The following GALNTL6 variants were observed in gnomAD, a reference collection of about 807,000 sequenced individuals.
GALNTL6 encodes the protein polypeptide N-acetylgalactosaminyltransferase like 6, also known as polypeptide N-acetylgalactosaminyltransferase-like 6.
GALNTL6 carries 46 observed loss-of-function variants against 73.7 expected under a neutral mutation model. The observed-to-expected ratio is 0.62, with a 90% CI of 0.49 to 0.80. The LOEUF is 0.80. Among genes scored for constraint, GALNTL6 ranks in the 30% least tolerant of loss-of-function variants. GALNTL6 has a pLI of 0.00. For synonymous variants in GALNTL6, 259 were observed against 263.7 expected (o/e 0.98, Z 0.17); for missense variants, 604 against 755.0 (o/e 0.80, Z 2.34).
chr4:172,648,254 T>C (rs1020434091), intron 5 of GALNTL6, among the ~76,000 whole-genome samples: 1 of 152,150 alleles, frequency 6.6e-6, no homozygotes, highest in Admixed American at 6.6e-5. Context: ...ACTTAACTCA[T>C]TGGCCAGGCT....
intron 2 of GALNTL6, among the ~76,000 whole-genome samples, chr4:172,228,160 A>C (rs1193050742): frequency 6.6e-6 from 1 of 152,122 alleles, no homozygotes; most frequent in East Asian, 1.9e-4. Flanking sequence ...ATTTTTTTAA[A>C]TGTTTGCTAT....
At chr4:172,298,770 A>G (rs906753645) in intron 3 of GALNTL6, among the ~76,000 whole-genome samples, 1 of 152,146 alleles carries the variant, frequency 6.6e-6, no homozygotes, top group Non-Finnish European at 1.5e-5. Flanking sequence ...TCGGTTTGCC[A>G]CTATTTTATT....
chr4:172,233,811 C>CA lies in GALNTL6; in HGVS notation c.247+4054dup, dbSNP rs367605381. Among the ~76,000 whole-genome samples, 39 of 151,732 alleles carry CA rather than the reference C, an allele frequency of 2.6e-4. No homozygotes were observed. In the East Asian group the frequency reaches 5.6e-3, roughly 22 times the overall value. ...TCACATTAACATACACAGATATGCA[C>CA]AAAAAAATGGGAATTTTTGAATTGT... On this transcript the variant is annotated intron_variant, in intron 3 of 12. Coordinates refer to ENST00000506823, the MANE Select transcript of GALNTL6 (RefSeq NM_001034845.3).
chr4:172,257,374 A>T (rs967067860), intron 3 of GALNTL6, among the ~76,000 whole-genome samples: 2 of 151,426 alleles, frequency 1.3e-5, no homozygotes, highest in African/African-American at 2.4e-5. Context: ...TATTTTAGTG[A>T]ATATCTCCAA....
intron 5 of GALNTL6, among the ~76,000 whole-genome samples, chr4:172,798,022 C>G (rs1740378502): frequency 6.6e-6 from 1 of 152,088 alleles, no homozygotes; most frequent in Non-Finnish European, 1.5e-5. Context: ...TTCTATGCAG[C>G]TTGGTGATTT....
At chr4:172,826,527 G>C (rs1265316228) in intron 7 of GALNTL6, among the ~76,000 whole-genome samples, 1 of 152,192 alleles carries the variant, frequency 6.6e-6, no homozygotes, top group Non-Finnish European at 1.5e-5. Flanking sequence ...CATGGAAAAA[G>C]AATCAAATAA....
intron 4 of GALNTL6, among the ~76,000 whole-genome samples, chr4:172,337,313 A>T (rs1741371884): frequency 6.6e-6 from 1 of 152,080 alleles, no homozygotes; most frequent in Non-Finnish European, 1.5e-5. Flanking sequence ...GTGAGGTTTT[A>T]ATTCTATTGT....
At chr4:172,761,522 T>C (rs1738090335) in intron 5 of GALNTL6, among the ~76,000 whole-genome samples, 2 of 152,188 alleles carry the variant, frequency 1.3e-5, no homozygotes, top group Admixed American at 6.5e-5. Flanking sequence ...TCATGTGGAT[T>C]TGTGATCCCC....
intron 3 of GALNTL6, among the ~76,000 whole-genome samples, chr4:172,231,651 T>C (rs1299463601): frequency 6.6e-6 from 1 of 152,202 alleles, no homozygotes; most frequent in Non-Finnish European, 1.5e-5. Flanking sequence ...TCTGATATTC[T>C]ACTTTGTAGA....
At chr4:172,401,458 T>C in intron 5 of GALNTL6, among the ~76,000 whole-genome samples, 1 of 152,276 alleles carries the variant, frequency 6.6e-6, no homozygotes, top group South Asian at 2.1e-4. Flanking sequence ...CATTTCTATA[T>C]AGGTTAAATC....
intron 5 of GALNTL6, among the ~76,000 whole-genome samples, chr4:172,514,401 T>C (rs1734529846): frequency 6.6e-6 from 1 of 152,148 alleles, no homozygotes; most frequent in Non-Finnish European, 1.5e-5. Flanking sequence ...CCAGCTCCCA[T>C]ACAGCCAGAA....
intron 3 of GALNTL6, among the ~76,000 whole-genome samples, chr4:172,274,845 G>T (rs1738774805): frequency 6.6e-6 from 1 of 152,120 alleles, no homozygotes; most frequent in African/African-American, 2.4e-5. Context: ...TCAGATCAAA[G>T]GTTTCAAAAT....
intron 5 of GALNTL6, among the ~76,000 whole-genome samples, chr4:172,549,285 G>A (rs763005974): frequency 6.6e-6 from 1 of 152,220 alleles, no homozygotes; most frequent in Non-Finnish European, 1.5e-5. Context: ...GCATATAGGA[G>A]AGCACATAAA....
intron 2 of GALNTL6, among the ~76,000 whole-genome samples, chr4:171,863,982 G>A (rs556140910): frequency 2.1e-4 from 32 of 151,880 alleles, no homozygotes; most frequent in African/African-American, 7.2e-4. Flanking sequence ...GGCTGGTCTC[G>A]ACCTCCTGCC....
Position 172,980,487 on chromosome 4 carries a change from A to G in GALNTL6, c.1371+28229A>G, listed in dbSNP as rs190778330. 2.9e-4 allele frequency among the ~76,000 whole-genome samples: 44 copies of G among 152,224 alleles called. No homozygotes were observed. The East Asian group carries it at 7.3e-3, about 25-fold the overall frequency. On this transcript the variant is annotated intron_variant, in intron 10 of 12. Coordinates refer to ENST00000506823, the MANE Select transcript of GALNTL6 (RefSeq NM_001034845.3). ...AGTAGGTGGCTCGTAAACAACATAC[A>G]TTTATTGTGTCACTGCTCCTGGAGG...
chr4:173,028,307 A>G (rs1753316129), intron 12 of GALNTL6, among the ~76,000 whole-genome samples: 1 of 152,252 alleles, frequency 6.6e-6, no homozygotes, highest in Non-Finnish European at 1.5e-5. Flanking sequence ...GCCTGAGGAT[A>G]GACTGACTGA....
intron 3 of GALNTL6, among the ~76,000 whole-genome samples, chr4:172,269,570 A>G (rs1457912581): frequency 6.6e-6 from 1 of 152,158 alleles, no homozygotes; most frequent in Non-Finnish European, 1.5e-5. Flanking sequence ...AACAGAGTTT[A>G]TCCAGAAGAT....
chr4:172,744,916 T>C (rs1737012850), intron 5 of GALNTL6, among the ~76,000 whole-genome samples: 1 of 151,838 alleles, frequency 6.6e-6, no homozygotes, highest in South Asian at 2.1e-4. Flanking sequence ...TTCTGTTTCA[T>C]GCAACATTTA....
At chr4:172,753,601 C>G (rs189423724) in intron 5 of GALNTL6, among the ~76,000 whole-genome samples, 1 of 152,020 alleles carries the variant, frequency 6.6e-6, no homozygotes, top group African/African-American at 2.4e-5. Flanking sequence ...TCTAAAGTTG[C>G]AACACAATTT....
Sources: gnomAD v4.1 joint callset for allele counts (sites outside exome capture counted in the v4.1 genomes callset) on GRCh38, gnomAD v4.1.1 for gene constraint, MANE v1.5 for transcripts, NCBI Gene and HGNC (gene_info 2026-07-23, HGNC 2026-07-21) for gene names.